The following MOB1B variants were observed in gnomAD, a reference collection of about 807,000 sequenced individuals.
MOB1B encodes the protein MOB1 Mps One Binder homolog B.
In MOB1B, 19 loss-of-function variants were observed where a neutral mutation model predicts 24.4. That is an observed-to-expected ratio of 0.78 (90% CI 0.54 to 1.14). The LOEUF is 1.14. MOB1B is among the 50% of genes most tolerant of loss of function. The pLI is 0.00. For missense variants in MOB1B, 243 were observed against 259.6 expected (o/e 0.94, Z 0.44); for synonymous variants, 76 against 82.1 (o/e 0.93, Z 0.40).
chr4:70,942,929 C>A, intron 1 of MOB1B: 1 of 521,986 alleles, frequency 1.9e-6, no homozygotes, highest in Non-Finnish European at 2.5e-6. Flanking sequence ...AGCATTGTGG[C>A]AGTATTTCCC....
chr4:70,931,096 G>C (rs1174308931), intron 1 of MOB1B, among the ~76,000 whole-genome samples: 3 of 150,780 alleles, frequency 2.0e-5, no homozygotes, highest in Non-Finnish European at 4.4e-5. Flanking sequence ...GCTTTTGTTA[G>C]ACTTTGTTTA....
intron 1 of MOB1B, among the ~76,000 whole-genome samples, chr4:70,917,358 A>G (rs1194641606): frequency 1.3e-5 from 2 of 152,212 alleles, no homozygotes. Context: ...AGCAAGAAAA[A>G]CATTCAAAGA....
intron 1 of MOB1B, among the ~76,000 whole-genome samples, chr4:70,946,600 A>G (rs545250042): frequency 1.3e-5 from 2 of 152,320 alleles, no homozygotes; most frequent in East Asian, 1.9e-4. Context: ...ATGCATATAT[A>G]TAGTCATTTG....
chr4:70,946,763 TC>T (rs1737599025), intron 1 of MOB1B, among the ~76,000 whole-genome samples: 1 of 151,976 alleles, frequency 6.6e-6, no homozygotes, highest in Non-Finnish European at 1.5e-5. Context: ...CTGTGCTTTT[TC>T]CAAAGAGGGT....
chr4:70,965,753 C>T lies in MOB1B; in HGVS notation c.182-4178C>T, dbSNP rs549672123. Among the ~76,000 whole-genome samples, 48 of 139,082 alleles carry T rather than the reference C, an allele frequency of 3.5e-4. No individual in the cohort carries two copies. In the East Asian group the frequency reaches 7.7e-3, roughly 22 times the overall value. 91.2% of individuals were successfully genotyped at this position (139,082 alleles called of 152,430 possible). ...CAGAGTTTGCAGCGAGCCGAGATCA[C>T]GCCACTGCACTCCAGCCTGGGCGAC... On this transcript the variant is annotated intron_variant, in intron 2 of 5. Transcript: ENST00000309395.
intron 1 of MOB1B, among the ~76,000 whole-genome samples, chr4:70,932,258 A>T (rs975291308): frequency 6.6e-6 from 1 of 152,174 alleles, no homozygotes; most frequent in African/African-American, 2.4e-5. Flanking sequence ...ATCATCCATC[A>T]TGTAGATTAT....
intron 1 of MOB1B, among the ~76,000 whole-genome samples, chr4:70,946,463 G>A (rs1475939999): frequency 1.3e-5 from 2 of 152,072 alleles, no homozygotes; most frequent in Admixed American, 1.3e-4. Flanking sequence ...GAGGGAGAGG[G>A]AAAAAGAAAT....
intron 1 of MOB1B, among the ~76,000 whole-genome samples, chr4:70,907,771 C>G (rs751681579): frequency 2.6e-5 from 4 of 152,074 alleles, no homozygotes; most frequent in Non-Finnish European, 5.9e-5. Context: ...CAAGATTGCA[C>G]CACTGCACTC....
chr4:70,976,770 A>C (rs944879560), intron 4 of MOB1B: 2 of 216,894 alleles, frequency 9.2e-6, no homozygotes, highest in South Asian at 3.3e-4. Flanking sequence ...ATATATATAT[A>C]TATATCTCTC....
At chr4:70,926,844 A>G (rs951600832) in intron 1 of MOB1B, among the ~76,000 whole-genome samples, 1 of 151,956 alleles carries the variant, frequency 6.6e-6, no homozygotes, top group Non-Finnish European at 1.5e-5. Context: ...AAAATACAAA[A>G]AAATTAGCCG....
chr4:70,915,965 C>T (rs1238939781), intron 1 of MOB1B, among the ~76,000 whole-genome samples: 1 of 152,062 alleles, frequency 6.6e-6, no homozygotes, highest in Non-Finnish European at 1.5e-5. Context: ...TTAATGGGGG[C>T]TTCAGAGGGT....
At chr4:70,925,574 G>A (rs999285098) in intron 1 of MOB1B, among the ~76,000 whole-genome samples, 3 of 152,158 alleles carry the variant, frequency 2.0e-5, no homozygotes, top group Non-Finnish European at 4.4e-5. Flanking sequence ...TCCTTGAGAA[G>A]TTTGCTGTAG....
intron 4 of MOB1B, among the ~76,000 whole-genome samples, chr4:70,977,917 T>A (rs1740461018): frequency 6.6e-6 from 1 of 152,222 alleles, no homozygotes; most frequent in South Asian, 2.1e-4. Context: ...CTTGAACTCC[T>A]GGCTCAAGTG....
At chr4:70,926,131 G>A (rs116473657) in intron 1 of MOB1B, among the ~76,000 whole-genome samples, 1,701 of 152,114 alleles carry the variant, frequency 0.011, 33 homozygotes, top group African/African-American at 0.039. Context: ...GACTTTAGGT[G>A]TGTGCCACCA....
At chr4:70,945,342 T>C (rs1173206636) in intron 1 of MOB1B, among the ~76,000 whole-genome samples, 3 of 152,184 alleles carry the variant, frequency 2.0e-5, no homozygotes, top group Non-Finnish European at 4.4e-5. Context: ...GCTTTCGTGA[T>C]TTTTGTTAGG....
chr4:70,980,815 T>G (rs932130588), intron 5 of MOB1B, among the ~76,000 whole-genome samples: 1 of 152,154 alleles, frequency 6.6e-6, no homozygotes, highest in African/African-American at 2.4e-5. Context: ...TATGTATACC[T>G]CTAGGCCTGA....
intron 1 of MOB1B, among the ~76,000 whole-genome samples, chr4:70,949,032 G>A (rs1275308268): frequency 2.0e-5 from 3 of 152,142 alleles, no homozygotes; most frequent in African/African-American, 2.4e-5. Context: ...GTCCTCTCCC[G>A]TAGTCTAGAT....
In MOB1B at chr4:70,982,066, A is replaced by T; in HGVS notation, c.*9A>T. On this transcript the variant is annotated 3_prime_UTR_variant, in exon 6 of 6. Coordinates refer to ENST00000309395, the MANE Select transcript of MOB1B (RefSeq NM_173468.4). ...CCTCAAAAGACAGATAAAAGGATGC[A>T]GAGCTGTGCAAATTGTTCCTCAAAT... 6.3e-7 allele frequency: 1 copy of T among 1,595,946 alleles called. No individual in the cohort carries two copies. The highest frequency in any genetic ancestry group is 1.1e-5 in the South Asian group (1 of 90,506).
At chr4:70,949,434 G>A (rs1188062192) in intron 1 of MOB1B, among the ~76,000 whole-genome samples, 1 of 152,088 alleles carries the variant, frequency 6.6e-6, no homozygotes, top group Non-Finnish European at 1.5e-5. Context: ...ATTCTATTTT[G>A]ACAGCTTCTA....
Sources: allele counts gnomAD v4.1 joint callset (sites outside exome capture counted in the v4.1 genomes callset), GRCh38; gene constraint gnomAD v4.1.1; transcripts MANE v1.5; gene names NCBI Gene and HGNC (gene_info 2026-07-23, HGNC 2026-07-21).